MON2: variants seen among roughly 807,000 people sequenced by gnomAD.
MON2 encodes protein MON2 homolog.
In MON2, 84 loss-of-function variants were observed where a neutral mutation model predicts 208.6. That is an observed-to-expected ratio of 0.40 (90% confidence interval 0.34 to 0.48). MON2 has a LOEUF of 0.48. Among genes scored for constraint, MON2 ranks in the 20% least tolerant of loss-of-function variants. The pLI is 0.59. For missense variants in MON2, 1,611 were observed against 2,015.4 expected, an observed-to-expected ratio of 0.80 and a Z score of 3.84; for synonymous variants, 660 against 694.0, an observed-to-expected ratio of 0.95 and a Z score of 0.77.
chr12:62,544,920 G>C lies in MON2; in HGVS notation c.2489G>C (p.Arg830Pro). The change falls in exon 21 of 35, where the codon CGA becomes CCA. Residue 830 changes from arginine (R) to proline (P), a missense_variant. Coordinates refer to ENST00000393630, the MANE Select transcript of MON2 (RefSeq NM_015026.3). ...LLEVCQHPNS[R>P]MREWGAEALT... ...CAGGTCTGCCAGCATCCAAACTCTC[G>C]AATGAGAGAATGGGGAGCAGAAGCT... The C allele has an allele frequency of 6.2e-7, 1 of 1,607,526 alleles. No homozygotes were observed. Among genetic ancestry groups the C allele is most frequent in the Middle Eastern group, 1.7e-4 (1 of 6,028 alleles).
chr12:62,481,309 G>A (rs1241753774), intron 1 of MON2, among the ~76,000 whole-genome samples: 2 of 152,008 alleles, frequency 1.3e-5, no homozygotes, highest in Admixed American at 6.6e-5. Context: ...GGCGGATCAC[G>A]AGGTCAGGTG....
At chr12:62,527,872 AAAT>A (rs939813539) in intron 11 of MON2, among the ~76,000 whole-genome samples, 1 of 151,912 alleles carries the variant, frequency 6.6e-6, no homozygotes, top group African/African-American at 2.4e-5. Context: ...ACAAGCCACA[AAAT>A]AATAAATACT....
At chr12:62,498,453 A>G (rs2070658084) in intron 4 of MON2, among the ~76,000 whole-genome samples, 1 of 152,190 alleles carries the variant, frequency 6.6e-6, no homozygotes, top group South Asian at 2.1e-4. Context: ...TCATCAAATT[A>G]TATAAGTTTA....
chr12:62,535,248 G>A (rs189072006), intron 13 of MON2, among the ~76,000 whole-genome samples: 223 of 151,998 alleles, frequency 1.5e-3, no homozygotes, highest in African/African-American at 5.1e-3. Flanking sequence ...AAAATTTACT[G>A]GTTTCAAAAT....
intron 1 of MON2, among the ~76,000 whole-genome samples, chr12:62,470,438 C>G (rs2068738480): frequency 6.6e-6 from 1 of 152,046 alleles, no homozygotes; most frequent in Admixed American, 6.6e-5. Flanking sequence ...TTATAATAAC[C>G]TCTTTCTCTT....
Position 62,525,931 on chromosome 12 carries a change from T to TC in MON2, c.1247-15dup, listed in dbSNP as rs1161863781. 1 of 1,605,926 alleles carries TC rather than the reference T, an allele frequency of 6.2e-7. No homozygotes were observed. The highest frequency in any genetic ancestry group is 8.5e-7 in the Non-Finnish European group (1 of 1,176,642). On this transcript the variant is annotated splice_polypyrimidine_tract_variant and intron_variant, in intron 10 of 34. Coordinates refer to ENST00000393630, the MANE Select transcript of MON2 (RefSeq NM_015026.3). ...AGTAAATTAGTGTCTTTTCTTTTTT[T>TC]CCCTTCTTCTCTAACAGGAAACAAT...
intron 1 of MON2, among the ~76,000 whole-genome samples, chr12:62,468,813 TCAAA>T (rs975237903): frequency 6.6e-6 from 1 of 152,246 alleles, no homozygotes; most frequent in Non-Finnish European, 1.5e-5. Flanking sequence ...TTAGAAAATA[TCAAA>T]CACTATTTTG....
At chr12:62,532,330 C>T in intron 11 of MON2, 108 bp from the exon 12 acceptor site, 1 of 794,492 alleles carries the variant, frequency 1.3e-6, no homozygotes, top group Admixed American at 2.8e-5. Flanking sequence ...TTATTTTTTG[C>T]TATTCTGTTA....
intron 4 of MON2, among the ~76,000 whole-genome samples, chr12:62,495,929 C>T (rs915110802): frequency 2.6e-5 from 4 of 151,732 alleles, no homozygotes; most frequent in Admixed American, 1.3e-4. Context: ...AAGAGCCATT[C>T]TATTATTTAT....
At chr12:62,511,165 T>G (rs1186374168) in intron 8 of MON2, among the ~76,000 whole-genome samples, 1 of 152,188 alleles carries the variant, frequency 6.6e-6, no homozygotes, top group Non-Finnish European at 1.5e-5. Flanking sequence ...TTAAAATTGT[T>G]AAAATGTCCA....
rs1362360790 is a variant in MON2 at position 62,467,285 on chromosome 12, G to A, written c.78G>A (p.Leu26=). 1 of 1,613,990 alleles carries A rather than the reference G, an allele frequency of 6.2e-7. No homozygotes were observed. Among genetic ancestry groups the A allele is most frequent in the Non-Finnish European group, 8.5e-7 (1 of 1,180,038 alleles). The change falls in exon 1 of 35, where the codon CTG becomes CTA. Residue 26 remains leucine, a synonymous_variant. Coordinates refer to ENST00000393630, the MANE Select transcript of MON2 (RefSeq NM_015026.3). ...NMQSDLRALS[L]ECKKKFPPVK... The stretch of plus-strand genomic sequence containing the variant: ...AGAGCGACTTGCGCGCCTTGTCACT[G>A]GAGTGCAAGAAGAAATTCCCACCTG...
At chr12:62,527,891 G>T (rs2072418349) in intron 11 of MON2, among the ~76,000 whole-genome samples, 1 of 151,194 alleles carries the variant, frequency 6.6e-6, no homozygotes, top group Non-Finnish European at 1.5e-5. Context: ...ATACTTGTCT[G>T]GGTTGTAGAA....
rs759048635 is a variant in MON2 at position 62,484,157 on chromosome 12, TTTA to T, written c.112-10_112-8del. 3.2e-6 allele frequency: 5 copies of T among 1,581,116 alleles called. No homozygotes were observed. Among genetic ancestry groups the T allele is most frequent in the South Asian group, 2.3e-5 (2 of 85,212 alleles). On this transcript the variant is annotated splice_polypyrimidine_tract_variant and intron_variant, in intron 1 of 34. Transcript: ENST00000393630. ...CAGTAAATTTTGTGTTCTAATTATT[TTTA>T]TTCTTGCAGGCTGCTGAATCAGGAA...
At chr12:62,543,888 C>T (rs1040722316) in intron 20 of MON2, among the ~76,000 whole-genome samples, 6 of 152,104 alleles carry the variant, frequency 3.9e-5, no homozygotes, top group African/African-American at 7.2e-5. Flanking sequence ...GGATTACAGG[C>T]GTGAGCAACT....
chr12:62,554,799 C>T (rs1040647815), intron 24 of MON2, among the ~76,000 whole-genome samples: 1 of 152,024 alleles, frequency 6.6e-6, no homozygotes, highest in Non-Finnish European at 1.5e-5. Context: ...TCCAGTAATT[C>T]TACTTTTGTC....
Position 62,466,858 on chromosome 12 carries a change from G to C in MON2, c.-350G>C, listed in dbSNP as rs367726960. On this transcript the variant is annotated 5_prime_UTR_variant, in exon 1 of 35. Coordinates refer to ENST00000393630, the MANE Select transcript of MON2 (RefSeq NM_015026.3). ...CTAATGGCGTCGGCGAGTCTTAGGG[G>C]CCTGGGGAGCTGGCGCTGAAGCTTC... 15 of 454,678 alleles carry C rather than the reference G, an allele frequency of 3.3e-5. No individual in the cohort carries two copies. The highest frequency in any genetic ancestry group is 3.0e-4 in the African/African-American group (15 of 49,308). 28.2% of individuals were successfully genotyped at this position (454,678 alleles called of 1,614,324 possible). A position where few individuals can be genotyped will look rare whatever the true frequency, so the allele number is the denominator to read the frequency against.
intron 15 of MON2, 110 bp from the exon 16 acceptor site, chr12:62,537,489 TTTC>T: frequency 1.2e-6 from 1 of 817,762 alleles, no homozygotes; most frequent in Non-Finnish European, 1.9e-6. Flanking sequence ...TCCAAATCTT[TTTC>T]TTAATTTTTT....
At chr12:62,537,354 T>A in intron 15 of MON2, 91 bp downstream of exon 15, 1 of 899,226 alleles carries the variant, frequency 1.1e-6, no homozygotes, top group Non-Finnish European at 1.7e-6. Context: ...TGTCATACAT[T>A]TATTTACTTT....
At chr12:62,553,405 G>C in intron 24 of MON2, 1 of 378,728 alleles carries the variant, frequency 2.6e-6, no homozygotes, top group Non-Finnish European at 4.6e-6. Context: ...TATATCTCTC[G>C]TGATTTCTGC....
Sources: allele counts gnomAD v4.1 joint callset (sites outside exome capture counted in the v4.1 genomes callset), GRCh38; gene constraint gnomAD v4.1.1; transcripts MANE v1.5; gene names NCBI Gene and HGNC (gene_info 2026-07-23, HGNC 2026-07-21).